NELL1: variants seen among roughly 807,000 people sequenced by gnomAD.
NELL1 encodes the protein neural EGFL like 1.
Under a neutral mutation model 107.4 loss-of-function variants are expected in NELL1, and 76 were observed. The observed-to-expected ratio is 0.71, with a 90% CI of 0.59 to 0.86. The LOEUF (loss-of-function observed/expected upper bound fraction) is 0.86, where lower values mean the gene tolerates loss of function less well. NELL1 is among the 40% of genes least tolerant of loss of function. The pLI, the probability that NELL1 is intolerant of heterozygous loss-of-function variation, is 0.00. For synonymous variants in NELL1, 353 were observed against 341.2 expected, an observed-to-expected ratio of 1.03 and a Z score of -0.38; for missense variants, 1,024 against 1,005.5, an observed-to-expected ratio of 1.02 and a Z score of -0.25.
intron 3 of NELL1, among the ~76,000 whole-genome samples, chr11:20,809,987 G>A (rs117378822): frequency 0.017 from 2,565 of 152,224 alleles, 29 homozygotes; most frequent in Admixed American, 0.026. Context: ...CCAGTAGTGT[G>A]TGAGGATTCC....
chr11:21,525,811 A>G (rs546519145), intron 15 of NELL1, among the ~76,000 whole-genome samples: 1 of 152,306 alleles, frequency 6.6e-6, no homozygotes, highest in East Asian at 1.9e-4. Context: ...CTTATTCACT[A>G]CCACAAGAAC....
At chr11:20,925,030 T>A (rs1485174392) in intron 7 of NELL1, among the ~76,000 whole-genome samples, 1 of 152,200 alleles carries the variant, frequency 6.6e-6, no homozygotes, top group South Asian at 2.1e-4. Context: ...TTATAAGTTA[T>A]CTAGAGATGA....
chr11:21,562,865 G>C (rs1033893945), intron 17 of NELL1, among the ~76,000 whole-genome samples: 1 of 152,042 alleles, frequency 6.6e-6, no homozygotes, highest in Non-Finnish European at 1.5e-5. Context: ...TTTCCCCTTT[G>C]AGAGTCAGTA....
At chr11:20,955,671 C>T (rs556620787) in intron 11 of NELL1, among the ~76,000 whole-genome samples, 78 of 152,212 alleles carry the variant, frequency 5.1e-4, no homozygotes, top group African/African-American at 1.8e-3. Flanking sequence ...ATTTAAGTTT[C>T]TCAACAACAT....
intron 12 of NELL1, among the ~76,000 whole-genome samples, chr11:21,022,412 A>G (rs1464157790): frequency 6.6e-6 from 1 of 152,130 alleles, no homozygotes; most frequent in Non-Finnish European, 1.5e-5. Flanking sequence ...AATTGCATAA[A>G]AGGAAATTAG....
At chr11:20,844,530 T>C (rs1848671661) in intron 3 of NELL1, among the ~76,000 whole-genome samples, 1 of 152,116 alleles carries the variant, frequency 6.6e-6, no homozygotes, top group Admixed American at 6.6e-5. Flanking sequence ...CCAATACACC[T>C]GAGTCCTGAA....
At chr11:21,326,114 C>G (rs560701827) in intron 14 of NELL1, among the ~76,000 whole-genome samples, 26 of 86,108 alleles carry the variant, frequency 3.0e-4, no homozygotes, top group African/African-American at 1.1e-3. Context: ...AATGAACACT[C>G]TTACACTAAT....
rs553502963 is a variant in NELL1 at position 20,734,691 on chromosome 11, G to A, written c.185-48989G>A. On this transcript the variant is annotated intron_variant, in intron 2 of 19. Coordinates refer to ENST00000357134, the MANE Select transcript of NELL1 (RefSeq NM_006157.5). ...TGAGAAATCCATTAGATGTCCACAGGGAGATGTCAGGAAGGCATTAGGTCA... is the reference window on the plus strand; with the variant it reads ...TGAGAAATCCATTAGATGTCCACAGAGAGATGTCAGGAAGGCATTAGGTCA... Among the ~76,000 whole-genome samples, 4 of 152,282 alleles carry A rather than the reference G, an allele frequency of 2.6e-5. No homozygotes were observed. In the South Asian group the frequency reaches 8.3e-4, roughly 32 times the overall value.
chr11:20,772,848 T>C (rs1856667233), intron 2 of NELL1, among the ~76,000 whole-genome samples: 1 of 152,220 alleles, frequency 6.6e-6, no homozygotes, highest in Non-Finnish European at 1.5e-5. Context: ...CTAGACTAGT[T>C]AGTAGAACAC....
At chr11:21,307,512 A>G (rs537861039) in intron 14 of NELL1, among the ~76,000 whole-genome samples, 1 of 152,166 alleles carries the variant, frequency 6.6e-6, no homozygotes, top group South Asian at 2.1e-4. Context: ...TCCAAAGAGC[A>G]ATGGCTCATA....
chr11:20,909,451 A>G (rs7116897), intron 5 of NELL1, among the ~76,000 whole-genome samples: 140,274 of 152,232 alleles, frequency 0.92, 64,801 homozygotes, highest in East Asian at 1. Context: ...GCTGGTTCTG[A>G]GACATGCTTT....
rs563033326 is a variant in NELL1, at chr11:21,142,221, G to A, written c.1426+28507G>A. Reference sequence around the variant, plus strand: ...GCTGATCAACAGAAATTTCCTGTTAGGATGAGCCTTTCTGCTCCTCTCAAG... The same window carrying A: ...GCTGATCAACAGAAATTTCCTGTTAAGATGAGCCTTTCTGCTCCTCTCAAG... On this transcript the variant is annotated intron_variant, in intron 13 of 19. Transcript: ENST00000357134. Among the ~76,000 whole-genome samples, 3 of 152,300 alleles carry A rather than the reference G, an allele frequency of 2.0e-5. No homozygotes were observed. The East Asian group carries it at 5.8e-4, about 29-fold the overall frequency.
chr11:21,177,478 A>G (rs995596017), intron 13 of NELL1, among the ~76,000 whole-genome samples: 8 of 151,822 alleles, frequency 5.3e-5, no homozygotes, highest in Admixed American at 2.0e-4. Context: ...TCTATTGTGT[A>G]TATGTACCAC....
chr11:21,244,552 C>T (rs540418332), intron 14 of NELL1, among the ~76,000 whole-genome samples: 11 of 152,214 alleles, frequency 7.2e-5, no homozygotes, highest in African/African-American at 2.6e-4. Flanking sequence ...CAGTACACAT[C>T]CCCAAACATT....
chr11:21,558,983 T>TA (rs1591035592), intron 16 of NELL1, among the ~76,000 whole-genome samples: 1 of 152,078 alleles, frequency 6.6e-6, no homozygotes, highest in Non-Finnish European at 1.5e-5. Flanking sequence ...TTAGTTGACT[T>TA]ACCATACAGG....
chr11:20,808,975 T>G (rs1422343203), intron 3 of NELL1, among the ~76,000 whole-genome samples: 1 of 152,210 alleles, frequency 6.6e-6, no homozygotes, highest in Non-Finnish European at 1.5e-5. Flanking sequence ...CACCTGATTT[T>G]GGGTTTTTAT....
chr11:20,937,924 G>C lies in NELL1; in HGVS notation c.1071+65G>C, dbSNP rs183315828. 1.0e-4 allele frequency: 155 copies of C among 1,513,602 alleles called. 2 individuals carry two copies. The African/African-American group carries it at 1.9e-3, about 18-fold the overall frequency. The allele number at this position is 1,513,602 out of a possible 1,614,324, so 93.8% of individuals were successfully genotyped here. On this transcript the variant is annotated intron_variant, in intron 10 of 19. Coordinates refer to ENST00000357134, the MANE Select transcript of NELL1 (RefSeq NM_006157.5). ...TGAATAGATAGATGTGTGGGCTTTA[G>C]ATGAGGTTCTTGAGTGGGGCATATT...
chr11:21,017,468 C>T (rs1207711849), intron 12 of NELL1, among the ~76,000 whole-genome samples: 1 of 152,028 alleles, frequency 6.6e-6, no homozygotes, highest in Non-Finnish European at 1.5e-5. Flanking sequence ...ATGATTATCT[C>T]TAATTACCTA....
At position 21,560,715 on chromosome 11, in the gene NELL1, C is replaced by T. The variant is rs535141172; in HGVS notation, c.1980+333C>T. On this transcript the variant is annotated intron_variant, in intron 17 of 19. Transcript: ENST00000357134. ...AGAGTTTTAATGAGCCCTCATCCCACGCTTATACAAACTTGCTGATTAAAA... is the reference window on the plus strand; with the variant it reads ...AGAGTTTTAATGAGCCCTCATCCCATGCTTATACAAACTTGCTGATTAAAA... 3.0e-4 allele frequency among the ~76,000 whole-genome samples: 46 copies of T among 152,146 alleles called. 2 individuals carry two copies. Among genetic ancestry groups the T allele is most frequent in the Middle Eastern group, 3.4e-3 (1 of 294 alleles).
Sources: allele counts gnomAD v4.1 joint callset (sites outside exome capture counted in the v4.1 genomes callset), GRCh38; gene constraint gnomAD v4.1.1; transcripts MANE v1.5; gene names NCBI Gene and HGNC (gene_info 2026-07-23, HGNC 2026-07-21).